The following ADK variants were observed in gnomAD, a reference collection of about 807,000 sequenced individuals.
ADK encodes N6,N6-dimethyladenosine kinase.
A neutral mutation model predicts 44.7 loss-of-function variants in ADK; 24 were observed. That is an observed-to-expected ratio of 0.54 (90% confidence interval 0.39 to 0.76). The LOEUF is 0.76. Ranked by LOEUF, ADK falls within the 30% of genes least tolerant of loss-of-function variation. The pLI is 0.00. For missense variants in ADK, 321 were observed against 425.1 expected, an observed-to-expected ratio of 0.76 and a Z score of 2.15; for synonymous variants, 128 against 142.6, an observed-to-expected ratio of 0.90 and a Z score of 0.73.
Position 74,598,440 on chromosome 10 carries a change from C to CTTTTTTTTT in ADK, c.763-1939_763-1938insTTTTTTTTT, listed in dbSNP as rs367982701. On this transcript the variant is annotated intron_variant, in intron 8 of 10. Transcript: ENST00000539909. ...TAGAAAGCAACCATGGAATCTTATT[C>CTTTTTTTTT]CTTTTTTTTTTTTTTTTTTTTTTTT... 7.0e-5 allele frequency among the ~76,000 whole-genome samples: 8 copies of CTTTTTTTTT among 114,072 alleles called. 2 individuals are homozygous for CTTTTTTTTT. The highest frequency in any genetic ancestry group is 8.7e-5 in the Admixed American group (1 of 11,496). The allele number at this position is 114,072 out of a possible 152,430, so 74.8% of individuals were successfully genotyped here. A position where few individuals can be genotyped will look rare whatever the true frequency, so the allele number is the denominator to read the frequency against.
At chr10:74,342,219 A>G (rs1228961232) in intron 4 of ADK, among the ~76,000 whole-genome samples, 2 of 152,128 alleles carry the variant, frequency 1.3e-5, no homozygotes, top group African/African-American at 4.8e-5. Flanking sequence ...TTGAATCTCT[A>G]CATCCATAAT....
chr10:74,580,714 A>G (rs1851346452), intron 7 of ADK, among the ~76,000 whole-genome samples: 1 of 152,156 alleles, frequency 6.6e-6, no homozygotes, highest in Non-Finnish European at 1.5e-5. Context: ...CTAAGTCCAA[A>G]TAAACCTCTT....
chr10:74,664,201 T>A (rs1419976630), intron 9 of ADK, among the ~76,000 whole-genome samples: 1 of 152,158 alleles, frequency 6.6e-6, no homozygotes, highest in Non-Finnish European at 1.5e-5. Flanking sequence ...TATGCAGCAA[T>A]AAAAAATAAT....
chr10:74,519,388 T>C (rs1217586306), intron 6 of ADK, among the ~76,000 whole-genome samples: 1 of 151,960 alleles, frequency 6.6e-6, no homozygotes, highest in African/African-American at 2.4e-5. Context: ...CATGTACATG[T>C]AGCTTCTTCA....
intron 9 of ADK, among the ~76,000 whole-genome samples, chr10:74,607,245 T>G (rs982757464): frequency 6.6e-6 from 1 of 152,182 alleles, no homozygotes; most frequent in South Asian, 2.1e-4. Context: ...AAGGTTAATA[T>G]ATTATGCATG....
intron 6 of ADK, among the ~76,000 whole-genome samples, chr10:74,415,610 A>G (rs896791327): frequency 3.3e-5 from 5 of 152,160 alleles, no homozygotes; most frequent in Admixed American, 1.3e-4. Flanking sequence ...TGAGGTATTT[A>G]TGAACCATTG....
chr10:74,191,457 G>A lies in ADK; in HGVS notation c.66-9307G>A, dbSNP rs186981545. Among the ~76,000 whole-genome samples, 337 of 151,952 alleles carry A rather than the reference G, an allele frequency of 2.2e-3. 2 individuals are homozygous for A. Among genetic ancestry groups the A allele is most frequent in the African/African-American group, 7.6e-3 (313 of 41,416 alleles). ...ATGTCAATTAAAAAGACAGGGTCTC[G>A]CCCAGGCTGGTCTCGAACTCTTGGG... On this transcript the variant is annotated intron_variant, in intron 1 of 10. Transcript: ENST00000539909.
At chr10:74,359,194 A>C (rs1387592989) in intron 4 of ADK, among the ~76,000 whole-genome samples, 1 of 152,192 alleles carries the variant, frequency 6.6e-6, no homozygotes, top group African/African-American at 2.4e-5. Context: ...TTTATATGAC[A>C]GTACCATGCT....
chr10:74,659,087 C>T (rs1416368908), intron 9 of ADK, among the ~76,000 whole-genome samples: 7 of 152,028 alleles, frequency 4.6e-5, no homozygotes, highest in Non-Finnish European at 7.4e-5. Flanking sequence ...GGCATGGTGG[C>T]GCATGCCTGT....
chr10:74,464,953 G>A (rs145754234), intron 6 of ADK, among the ~76,000 whole-genome samples: 1 of 152,142 alleles, frequency 6.6e-6, no homozygotes, highest in East Asian at 1.9e-4. Flanking sequence ...CTACATTCCT[G>A]CCACTTTTCT....
chr10:74,653,683 A>G (rs1854367693), intron 9 of ADK, among the ~76,000 whole-genome samples: 1 of 152,222 alleles, frequency 6.6e-6, no homozygotes, highest in Non-Finnish European at 1.5e-5. Context: ...AAATGACTTA[A>G]TAAAGAAATG....
chr10:74,551,284 A>G (rs1850027674), intron 7 of ADK: 1 of 152,228 alleles, frequency 6.6e-6, no homozygotes, highest in Non-Finnish European at 1.5e-5. Flanking sequence ...ATAAATGTAA[A>G]ATAGAACAAT....
intron 9 of ADK, among the ~76,000 whole-genome samples, chr10:74,653,933 A>G (rs1368278634): frequency 2.6e-5 from 4 of 152,242 alleles, no homozygotes; most frequent in Non-Finnish European, 4.4e-5. Flanking sequence ...TAAACCTATG[A>G]CATTGCCTTG....
chr10:74,436,419 T>C (rs1214606587), intron 6 of ADK, among the ~76,000 whole-genome samples: 1 of 151,912 alleles, frequency 6.6e-6, no homozygotes, highest in Non-Finnish European at 1.5e-5. Flanking sequence ...TTACTATTCA[T>C]TAAGTGGAAT....
At chr10:74,177,629 TAA>T (rs1842390511) in intron 1 of ADK, among the ~76,000 whole-genome samples, 1 of 152,172 alleles carries the variant, frequency 6.6e-6, no homozygotes, top group African/African-American at 2.4e-5. Flanking sequence ...CAACTATTTA[TAA>T]AAAGAGATAA....
At chr10:74,425,070 G>A (rs1176061219) in intron 6 of ADK, among the ~76,000 whole-genome samples, 2 of 152,122 alleles carry the variant, frequency 1.3e-5, no homozygotes, top group East Asian at 3.8e-4. Flanking sequence ...TTCATTATTT[G>A]TGGTGATTTC....
At chr10:74,474,468 T>C (rs978297331) in intron 6 of ADK, among the ~76,000 whole-genome samples, 3 of 151,910 alleles carry the variant, frequency 2.0e-5, no homozygotes, top group Admixed American at 2.0e-4. Flanking sequence ...TCCTTTATTT[T>C]CTTTCTTTCT....
intron 3 of ADK, among the ~76,000 whole-genome samples, chr10:74,276,147 G>A (rs1846667966): frequency 6.6e-6 from 1 of 152,108 alleles, no homozygotes; most frequent in Non-Finnish European, 1.5e-5. Context: ...CGTGCGCTCA[G>A]CTCTTCTCGT....
intron 6 of ADK, among the ~76,000 whole-genome samples, chr10:74,438,660 G>A (rs1198897385): frequency 2.0e-5 from 3 of 152,096 alleles, no homozygotes; most frequent in Admixed American, 1.3e-4. Context: ...TAAGCAACCC[G>A]ATATGTATAA....
Sources: allele counts gnomAD v4.1 joint callset (sites outside exome capture counted in the v4.1 genomes callset), GRCh38; gene constraint gnomAD v4.1.1; transcripts MANE v1.5; gene names NCBI Gene and HGNC (gene_info 2026-07-23, HGNC 2026-07-21).